The following FIBCD1 variants were observed in gnomAD, a reference collection of about 807,000 sequenced individuals.
The protein encoded by FIBCD1 is fibrinogen C domain containing 1.
In FIBCD1, 47 loss-of-function variants were observed where a neutral mutation model predicts 45.1. The ratio of observed to expected loss-of-function variants is 1.04; its 90% confidence interval spans 0.82 to 1.33. FIBCD1 has a LOEUF of 1.33. Ranked by LOEUF, FIBCD1 falls within the 40% of genes most tolerant of loss-of-function variation. The pLI is 0.00. For missense variants in FIBCD1, 653 were observed against 682.2 expected (o/e 0.96, Z 0.48); for synonymous variants, 313 against 308.1 (o/e 1.02, Z -0.17).
intron 4 of FIBCD1, among the ~76,000 whole-genome samples, chr9:130,914,399 G>A (rs1174146277): frequency 2.6e-5 from 4 of 152,240 alleles, no homozygotes; most frequent in South Asian, 2.1e-4. Context: ...GACCCCAACC[G>A]TGCAAGAGGC....
chr9:130,905,743 A>G (rs1394808687), intron 5 of FIBCD1, among the ~76,000 whole-genome samples: 1 of 152,238 alleles, frequency 6.6e-6, no homozygotes, highest in African/African-American at 2.4e-5. Flanking sequence ...GACTCCAGCC[A>G]GAGCCAGACA....
intron 4 of FIBCD1, among the ~76,000 whole-genome samples, chr9:130,921,667 G>C (rs182156610): frequency 1.3e-5 from 2 of 152,346 alleles, no homozygotes; most frequent in Admixed American, 1.3e-4. Flanking sequence ...GCCCGCTCCG[G>C]CGTCCTGATC....
intron 1 of FIBCD1, among the ~76,000 whole-genome samples, chr9:130,935,701 A>C (rs770456774): frequency 5.9e-5 from 9 of 152,154 alleles, no homozygotes; most frequent in Non-Finnish European, 1.2e-4. Context: ...CTGAACCAAG[A>C]AAGGGCGGCC....
At chr9:130,939,973 T>A (rs1245785258), upstream of FIBCD1, among the ~76,000 whole-genome samples, 2 of 141,466 alleles carry the variant, frequency 1.4e-5, no homozygotes, top group Admixed American at 7.0e-5. Context: ...TGCGTCCCCA[T>A]CTTTTTCTGC....
At position 130,906,057 on chromosome 9, in the gene FIBCD1, G is replaced by A. The variant is rs572469978; in HGVS notation, c.947-644C>T. Reference sequence around the variant, plus strand: ...ACCCCAGTGCCTGGGGTGGGGCCTGGCACAATGGTGCTTACCCAGCGCTGG... The same window carrying A: ...ACCCCAGTGCCTGGGGTGGGGCCTGACACAATGGTGCTTACCCAGCGCTGG... On this transcript the variant is annotated intron_variant, in intron 5 of 6. Transcript: ENST00000372338. Among the ~76,000 whole-genome samples, 3 of 152,252 alleles carry A rather than the reference G, an allele frequency of 2.0e-5. No individual in the cohort carries two copies. In the South Asian group the frequency reaches 6.2e-4, roughly 32 times the overall value.
chr9:130,937,307 CAG>C (rs1260550046), intron 1 of FIBCD1, among the ~76,000 whole-genome samples: 3 of 152,140 alleles, frequency 2.0e-5, no homozygotes, highest in Admixed American at 6.5e-5. Flanking sequence ...GTGGTTAGAC[CAG>C]AGTTTGAATC....
upstream of FIBCD1, among the ~76,000 whole-genome samples, chr9:130,940,392 C>G (rs1364465324): frequency 6.6e-6 from 1 of 152,260 alleles, no homozygotes; most frequent in African/African-American, 2.4e-5. Context: ...CTGAGGCTGC[C>G]CGGGAGTTGG....
At chr9:130,924,086 G>T in intron 3 of FIBCD1, 151 bp downstream of exon 3, 1 of 1,275,756 alleles carries the variant, frequency 7.8e-7, no homozygotes, top group Non-Finnish European at 1.1e-6. Context: ...CTCCTCATCT[G>T]GAGAATGGAC....
Position 130,921,006 on chromosome 9 carries a change from CCTT to C in FIBCD1, c.849+2735_849+2737del, listed in dbSNP as rs1196862200. On this transcript the variant is annotated intron_variant, in intron 4 of 6. Transcript: ENST00000372338. ...TGGGTGACCTCGGGCACATCCCTGG[CCTT>C]CTCTGAGGCTGCCCTGCCTGCCTCC... Among the ~76,000 whole-genome samples, 10 of 152,372 alleles carry C rather than the reference CCTT, an allele frequency of 6.6e-5. No individual in the cohort carries two copies. The East Asian group carries it at 1.7e-3, about 26-fold the overall frequency.
In FIBCD1 at chr9:130,924,236, C is replaced by G; in HGVS notation, c.712+1G>C. The G allele has an allele frequency of 6.3e-7, 1 of 1,589,062 alleles. No individual in the cohort carries two copies. Among genetic ancestry groups the G allele is most frequent in the Non-Finnish European group, 8.6e-7 (1 of 1,169,324 alleles). On this transcript the variant is annotated splice_donor_variant, in intron 3 of 6. Transcript: ENST00000372338. LOFTEE classifies it high-confidence loss of function. Reference sequence around the variant, plus strand: ...AGGAAGGCAGGCCCTGCCCCACTCACCAGTGGCACAGCCCCGGGGCCGGGT... The same window carrying G: ...AGGAAGGCAGGCCCTGCCCCACTCAGCAGTGGCACAGCCCCGGGGCCGGGT...
rs569430335 is a variant in FIBCD1 at position 130,905,660 on chromosome 9, A to C, written c.947-247T>G. Among the ~76,000 whole-genome samples, 74 of 152,234 alleles carry C rather than the reference A, an allele frequency of 4.9e-4. 1 individual carries two copies. Among genetic ancestry groups the C allele is most frequent in the African/African-American group, 1.7e-3 (70 of 41,538 alleles). ...TTAAGTGGAGCTGTGATGCTTTTCA[A>C]ACGTTGGGGCTCTGAGCTGGTGGGA... On this transcript the variant is annotated intron_variant, in intron 5 of 6. Coordinates refer to ENST00000372338, the MANE Select transcript of FIBCD1 (RefSeq NM_032843.5).
Position 130,903,841 on chromosome 9 carries a change from G to A in FIBCD1, c.*223C>T, listed in dbSNP as rs540288694. ...AGTTTGCCAGCCCCCATCAGCAGAG[G>A]CAAGAGATCAGTGAGCTGCCAAATG... On this transcript the variant is annotated 3_prime_UTR_variant, in exon 7 of 7. Transcript: ENST00000372338. 1.1e-3 allele frequency: 731 copies of A among 644,604 alleles called. 6 individuals carry two copies. The South Asian group carries it at 0.012, about 11-fold the overall frequency. 39.9% of individuals were successfully genotyped at this position (644,604 alleles called of 1,614,324 possible).
chr9:130,931,036 C>A (rs1832442073), intron 1 of FIBCD1, among the ~76,000 whole-genome samples: 1 of 152,130 alleles, frequency 6.6e-6, no homozygotes, highest in Non-Finnish European at 1.5e-5. Flanking sequence ...CCTCCCCGCA[C>A]CCCACCCCAT....
upstream of FIBCD1, among the ~76,000 whole-genome samples, chr9:130,940,443 G>A (rs79349860): frequency 0.019 from 2,825 of 152,370 alleles, 34 homozygotes; most frequent in Middle Eastern, 0.041. Context: ...GGAGACCCAG[G>A]TTCCAATTCT....
intron 5 of FIBCD1, among the ~76,000 whole-genome samples, chr9:130,908,172 A>G (rs1831968577): frequency 1.3e-5 from 2 of 151,958 alleles, no homozygotes; most frequent in Non-Finnish European, 2.9e-5. Flanking sequence ...GGTAACCTTA[A>G]TATATAGAGA....
At position 130,939,134 on chromosome 9, in the gene FIBCD1, C is replaced by G. The variant is rs564615954; in HGVS notation, c.-527G>C. ...GGGCAGCAAACAGCCGCGGGCGGCCCGGCTCCTGCTGGCTCCCGGAGGGGC... is the reference window on the plus strand; with the variant it reads ...GGGCAGCAAACAGCCGCGGGCGGCCGGGCTCCTGCTGGCTCCCGGAGGGGC... On this transcript the variant is annotated 5_prime_UTR_variant, in exon 1 of 7. Coordinates refer to ENST00000372338, the MANE Select transcript of FIBCD1 (RefSeq NM_032843.5). 1 of 152,122 alleles carries G rather than the reference C, an allele frequency of 6.6e-6. No individual in the cohort carries two copies. Among genetic ancestry groups the G allele is most frequent in the African/African-American group, 2.4e-5 (1 of 41,422 alleles). The allele number at this position is 152,122 out of a possible 1,614,324, so 9.4% of individuals were successfully genotyped here. A position where few individuals can be genotyped will look rare whatever the true frequency, so the allele number is the denominator to read the frequency against.
At chr9:130,911,999 T>C (rs1254655061) in intron 4 of FIBCD1, 111 bp from the exon 5 acceptor site, 10 of 962,746 alleles carry the variant, frequency 1.0e-5, no homozygotes, top group Non-Finnish European at 1.6e-5. Flanking sequence ...CAACCTGCCC[T>C]CTCGGGAGGG....
At chr9:130,911,079 C>T (rs1300342627) in intron 5 of FIBCD1, among the ~76,000 whole-genome samples, 4 of 152,190 alleles carry the variant, frequency 2.6e-5, no homozygotes, top group African/African-American at 4.8e-5. Context: ...CCTCGGCAAC[C>T]CGCTCAGGTT....
At chr9:130,934,988 A>G (rs1564342117) in intron 1 of FIBCD1, among the ~76,000 whole-genome samples, 1 of 152,146 alleles carries the variant, frequency 6.6e-6, no homozygotes, top group Non-Finnish European at 1.5e-5. Flanking sequence ...ATGGTTTGCA[A>G]TCGCCCCGAC....
Sources: gnomAD v4.1 joint callset for allele counts (sites outside exome capture counted in the v4.1 genomes callset) on GRCh38, gnomAD v4.1.1 for gene constraint, MANE v1.5 for transcripts, NCBI Gene and HGNC (gene_info 2026-07-23, HGNC 2026-07-21) for gene names.